PSME4: variants seen among roughly 807,000 people sequenced by gnomAD.
The protein encoded by PSME4 is proteasome activator complex subunit 4.
PSME4 carries 89 observed loss-of-function variants against 253.9 expected under a neutral mutation model. That is an observed-to-expected ratio of 0.35 (90% CI 0.30 to 0.42). The LOEUF (loss-of-function observed/expected upper bound fraction) is 0.42. PSME4 is among the 10% of genes least tolerant of loss of function. The pLI, the probability that PSME4 is intolerant of heterozygous loss-of-function variation, is 1.00. For missense variants in PSME4, 2,014 were observed against 2,195.2 expected, an observed-to-expected ratio of 0.92 and a Z score of 1.65; for synonymous variants, 851 against 759.2, an observed-to-expected ratio of 1.12 and a Z score of -1.99.
At chr2:53,889,778 C>T (rs1679818966) in intron 37 of PSME4, among the ~76,000 whole-genome samples, 1 of 152,104 alleles carries the variant, frequency 6.6e-6, no homozygotes. Flanking sequence ...ACATGACTGT[C>T]ACTTAATTTT....
chr2:53,933,554 C>A (rs1020041518), intron 8 of PSME4, among the ~76,000 whole-genome samples: 1 of 152,100 alleles, frequency 6.6e-6, no homozygotes, highest in Admixed American at 6.5e-5. Flanking sequence ...CTTACTTTTA[C>A]TTTTGTTTTC....
intron 34 of PSME4, among the ~76,000 whole-genome samples, chr2:53,894,559 A>G (rs1224022143): frequency 6.6e-6 from 1 of 152,260 alleles, no homozygotes; most frequent in Non-Finnish European, 1.5e-5. Flanking sequence ...GGCATGTGCC[A>G]TGGCTCCCAG....
At chr2:53,943,760 T>C (rs1669567839) in intron 3 of PSME4, among the ~76,000 whole-genome samples, 1 of 148,984 alleles carries the variant, frequency 6.7e-6, no homozygotes, top group African/African-American at 2.5e-5. Flanking sequence ...AAGAATCGCT[T>C]GAACTCGGGA....
intron 20 of PSME4, among the ~76,000 whole-genome samples, chr2:53,916,744 TA>T (rs891502788): frequency 6.6e-6 from 1 of 151,822 alleles, no homozygotes; most frequent in Non-Finnish European, 1.5e-5. Context: ...AACCATCTGT[TA>T]AAAAAAAGTA....
intron 12 of PSME4, 69 bp from the exon 13 acceptor site, chr2:53,926,092 C>A: frequency 8.0e-7 from 1 of 1,244,968 alleles, no homozygotes; most frequent in South Asian, 1.2e-5. Context: ...TAACAAAACT[C>A]AATTATTGCC....
intron 36 of PSME4, among the ~76,000 whole-genome samples, chr2:53,890,672 T>C (rs1226482178): frequency 6.6e-6 from 1 of 152,168 alleles, no homozygotes; most frequent in Non-Finnish European, 1.5e-5. Context: ...TATCCAGGTA[T>C]AGGTGAAATT....
chr2:53,910,227 G>A (rs1667769110), intron 20 of PSME4, 97 bp from the exon 21 acceptor site: 1 of 961,316 alleles, frequency 1.0e-6, no homozygotes, highest in African/African-American at 1.6e-5. Flanking sequence ...CCAAAACAAA[G>A]ATAATGTTCT....
In PSME4 at chr2:53,899,939, G is replaced by C. The variant is rs1374357907; in HGVS notation, c.3364C>G (p.Pro1122Ala). 1.2e-6 allele frequency: 2 copies of C among 1,613,294 alleles called. No homozygotes were observed. The highest frequency in any genetic ancestry group is 1.7e-6 in the Non-Finnish European group (2 of 1,179,398). ...NPSINQILLS[P>A]EKIKEGIKRQ... is the part of the protein sequence containing the mutation. ...TTAATTCCTTCCTTAATTTTTTCTG[G>C]GCTAAGCAATATCTGGTTGATAGAG... is the stretch of plus-strand genomic sequence containing the variant. Residue 1122 changes from proline (P) to alanine (A), a missense_variant, in exon 29 of 47, where the codon CCA (proline) becomes GCA (alanine). Around this residue, in one of 4 missense-constraint regions of PSME4, gnomAD observed 989 missense variants for 1,021.1 expected, o/e 0.97. Transcript: ENST00000404125.
At chr2:53,970,183 C>A (rs904375596) in intron 1 of PSME4, among the ~76,000 whole-genome samples, 4 of 152,186 alleles carry the variant, frequency 2.6e-5, no homozygotes, top group Non-Finnish European at 4.4e-5. Context: ...CCCCGCCTCT[C>A]CCATGCGCAA....
intron 20 of PSME4, among the ~76,000 whole-genome samples, chr2:53,913,376 A>G (rs1667916251): frequency 1.3e-5 from 2 of 152,198 alleles, no homozygotes. Flanking sequence ...GGATGCTGAA[A>G]AAGAAATAAC....
chr2:53,903,951 T>C (rs1680529247), intron 27 of PSME4, 74 bp downstream of exon 27: 1 of 1,273,720 alleles, frequency 7.9e-7, no homozygotes, highest in Admixed American at 2.2e-5. Context: ...GATATGGATG[T>C]TTACCGTAGA....
chr2:53,966,581 A>G (rs1478755703), intron 1 of PSME4, among the ~76,000 whole-genome samples: 1 of 152,060 alleles, frequency 6.6e-6, no homozygotes, highest in Non-Finnish European at 1.5e-5. Context: ...AAAAAAGATA[A>G]TAATGTTGGA....
intron 10 of PSME4, among the ~76,000 whole-genome samples, chr2:53,929,798 G>GGATCA (rs1668738602): frequency 6.6e-6 from 1 of 152,026 alleles, no homozygotes; most frequent in Non-Finnish European, 1.5e-5. Context: ...CAGGCGGACT[G>GGATCA]CTTGAGGTCA....
intron 38 of PSME4, 81 bp from the exon 39 acceptor site, chr2:53,888,070 ATTTCACTTAAAGCTTTTTCGTTT>A (rs1397946623): frequency 7.3e-7 from 1 of 1,373,782 alleles, no homozygotes; most frequent in African/African-American, 1.5e-5. Flanking sequence ...CAATATCTGT[ATTTCACTTAAAGCTTTTTCGTTT>A]TTTCACTTAA....
chr2:53,926,187 A>G (rs1423295581), intron 12 of PSME4, among the ~76,000 whole-genome samples, 164 bp from the exon 13 acceptor site: 3 of 152,230 alleles, frequency 2.0e-5, no homozygotes, highest in Non-Finnish European at 4.4e-5. Flanking sequence ...CTTTCAATTT[A>G]GAACAACTTC....
chr2:53,879,874 C>T (rs1456840077), intron 41 of PSME4, among the ~76,000 whole-genome samples: 1 of 150,768 alleles, frequency 6.6e-6, no homozygotes, highest in Non-Finnish European at 1.5e-5. Flanking sequence ...GGTGCGATGT[C>T]AGAACACATT....
At chr2:53,957,389 T>C (rs539176448) in intron 1 of PSME4, among the ~76,000 whole-genome samples, 27 of 152,208 alleles carry the variant, frequency 1.8e-4, no homozygotes, top group Non-Finnish European at 2.6e-4. Flanking sequence ...CTTATTTTCC[T>C]GCAACTTAGA....
intron 4 of PSME4, among the ~76,000 whole-genome samples, chr2:53,939,003 G>C: frequency 6.6e-6 from 1 of 152,116 alleles, no homozygotes; most frequent in East Asian, 1.9e-4. Flanking sequence ...AATTACCTAT[G>C]AGCCAGTAAG....
intron 18 of PSME4, 100 bp downstream of exon 18, chr2:53,920,789 A>G (rs1668279420): frequency 3.0e-6 from 3 of 992,282 alleles, no homozygotes; most frequent in Non-Finnish European, 4.6e-6. Flanking sequence ...ATCTATCTTA[A>G]AAGTAAAAAA....
Sources: allele counts gnomAD v4.1 joint callset (sites outside exome capture counted in the v4.1 genomes callset), GRCh38; gene constraint gnomAD v4.1.1; regional missense constraint gnomAD v4.1.1; transcripts MANE v1.5; gene names NCBI Gene and HGNC (gene_info 2026-07-23, HGNC 2026-07-21).